The following PLEKHM3 variants were observed in gnomAD, a reference collection of about 807,000 sequenced individuals.
PLEKHM3 encodes the protein pleckstrin homology domain-containing family M member 3.
Under a neutral mutation model 81.8 loss-of-function variants are expected in PLEKHM3, and 45 were observed. The ratio of observed to expected loss-of-function variants is 0.55; its 90% CI spans 0.43 to 0.71. The LOEUF (loss-of-function observed/expected upper bound fraction) is 0.71, where lower values mean the gene tolerates loss of function less well. Ranked by LOEUF, PLEKHM3 falls within the 30% of genes least tolerant of loss-of-function variation. PLEKHM3 has a pLI of 0.00. For synonymous variants in PLEKHM3, 352 were observed against 356.4 expected (o/e 0.99, Z 0.14); for missense variants, 788 against 924.3 (o/e 0.85, Z 1.91).
chr2:207,975,113 C>T (rs1347218677), intron 3 of PLEKHM3, among the ~76,000 whole-genome samples: 4 of 152,106 alleles, frequency 2.6e-5, no homozygotes, highest in Non-Finnish European at 5.9e-5. Context: ...CAGGTGTGAG[C>T]CACCGCGCCC....
intron 6 of PLEKHM3, among the ~76,000 whole-genome samples, chr2:207,887,937 G>C (rs1258153185): frequency 6.6e-6 from 1 of 152,174 alleles, no homozygotes; most frequent in African/African-American, 2.4e-5. Context: ...GCAATCTCTA[G>C]ACCCTATACT....
At chr2:207,982,873 C>T (rs948068676) in intron 2 of PLEKHM3, among the ~76,000 whole-genome samples, 9 of 150,724 alleles carry the variant, frequency 6.0e-5, no homozygotes, top group Non-Finnish European at 1.2e-4. Flanking sequence ...CCACCGCGCC[C>T]GGCCTGATTT....
intron 3 of PLEKHM3, among the ~76,000 whole-genome samples, chr2:207,951,717 G>A: frequency 6.6e-6 from 1 of 152,128 alleles, no homozygotes; most frequent in East Asian, 1.9e-4. Context: ...CTGTTGCTGG[G>A]GGTTGTGCAG....
At chr2:207,838,608 ATAAAAT>A (rs1330350101) in intron 7 of PLEKHM3, among the ~76,000 whole-genome samples, 1 of 152,242 alleles carries the variant, frequency 6.6e-6, no homozygotes, top group East Asian at 1.9e-4. Flanking sequence ...AAGTATGTGT[ATAAAAT>A]TATAATAGAT....
In PLEKHM3 at chr2:207,894,441, A is replaced by G. The variant is rs148578699; in HGVS notation, c.1950+14073T>C. Reference sequence around the variant, plus strand: ...CAAGCACTGGGTTTTTTTGCCATGCATGGTGCTGGCACTCCAGGGCTAATG... The same window carrying G: ...CAAGCACTGGGTTTTTTTGCCATGCGTGGTGCTGGCACTCCAGGGCTAATG... On this transcript the variant is annotated intron_variant, in intron 6 of 7. Transcript: ENST00000427836. Among the ~76,000 whole-genome samples the G allele has an allele frequency of 4.7e-3, 722 of 152,206 alleles. 7 individuals carry two copies. Among genetic ancestry groups the G allele is most frequent in the African/African-American group, 0.016 (672 of 41,536 alleles).
chr2:207,874,269 C>T (rs1464342823), intron 6 of PLEKHM3, among the ~76,000 whole-genome samples: 1 of 152,120 alleles, frequency 6.6e-6, no homozygotes, highest in African/African-American at 2.4e-5. Context: ...ATCCCTAACT[C>T]ATCTCATAAA....
chr2:207,881,353 T>C (rs1396139973), intron 6 of PLEKHM3, among the ~76,000 whole-genome samples: 2 of 152,200 alleles, frequency 1.3e-5, no homozygotes, highest in East Asian at 3.8e-4. Flanking sequence ...CATTAGATAA[T>C]GTTAACCTTG....
chr2:207,899,189 A>G (rs982298852), intron 6 of PLEKHM3, among the ~76,000 whole-genome samples: 1 of 152,174 alleles, frequency 6.6e-6, no homozygotes, highest in Non-Finnish European at 1.5e-5. Context: ...TACATTTCTG[A>G]ATTGGGTGAA....
At chr2:207,889,425 GT>G (rs1687979722) in intron 6 of PLEKHM3, among the ~76,000 whole-genome samples, 2 of 123,290 alleles carry the variant, frequency 1.6e-5, no homozygotes, top group South Asian at 5.9e-4. Flanking sequence ...CAGACAGGAG[GT>G]TTTTTTCAAC....
At chr2:207,983,696 C>G (rs1025529514) in intron 2 of PLEKHM3, among the ~76,000 whole-genome samples, 1 of 152,140 alleles carries the variant, frequency 6.6e-6, no homozygotes, top group Non-Finnish European at 1.5e-5. Flanking sequence ...TTCTCCTCCT[C>G]GTCTTTACAG....
chr2:207,923,366 G>A (rs1462534068), intron 5 of PLEKHM3, among the ~76,000 whole-genome samples: 1 of 152,198 alleles, frequency 6.6e-6, no homozygotes, highest in Non-Finnish European at 1.5e-5. Flanking sequence ...CCAGTACTTT[G>A]GGAGGCGGAG....
intron 6 of PLEKHM3, among the ~76,000 whole-genome samples, chr2:207,882,850 G>A (rs890050743): frequency 8.0e-5 from 12 of 150,702 alleles, no homozygotes; most frequent in African/African-American, 2.4e-4. Flanking sequence ...TTTTTTTCCC[G>A]AGATTCTCGT....
intron 6 of PLEKHM3, among the ~76,000 whole-genome samples, chr2:207,882,020 C>T (rs894236965): frequency 1.3e-5 from 2 of 152,172 alleles, no homozygotes; most frequent in Non-Finnish European, 2.9e-5. Flanking sequence ...TAACTCTGGG[C>T]TTGGCCTTTC....
chr2:207,935,238 T>C (rs1472370239), intron 4 of PLEKHM3, among the ~76,000 whole-genome samples: 1 of 152,210 alleles, frequency 6.6e-6, no homozygotes, highest in Non-Finnish European at 1.5e-5. Flanking sequence ...AAGTACAGCA[T>C]GTTTGCATAT....
chr2:207,877,340 C>G (rs1483605449), intron 6 of PLEKHM3, among the ~76,000 whole-genome samples: 1 of 152,182 alleles, frequency 6.6e-6, no homozygotes, highest in Non-Finnish European at 1.5e-5. Context: ...CTTTCCCATG[C>G]TAGCTTCTCT....
chr2:207,992,366 G>A (rs1691926925), intron 2 of PLEKHM3, among the ~76,000 whole-genome samples: 1 of 152,158 alleles, frequency 6.6e-6, no homozygotes, highest in Admixed American at 6.5e-5. Context: ...CTAAGATAAT[G>A]AACACTTCTT....
intron 1 of PLEKHM3, among the ~76,000 whole-genome samples, chr2:208,003,998 T>C (rs548352091): frequency 6.6e-6 from 1 of 152,346 alleles, no homozygotes; most frequent in African/African-American, 2.4e-5. Context: ...ATTTAGTCTT[T>C]ACTCATGATA....
chr2:208,008,663 G>A (rs1379459004), intron 1 of PLEKHM3, among the ~76,000 whole-genome samples: 1 of 152,196 alleles, frequency 6.6e-6, no homozygotes, highest in Admixed American at 6.5e-5. Flanking sequence ...GTTTCCCAAA[G>A]TCCTTAAATT....
At chr2:207,842,169 C>T (rs1012257848) in intron 7 of PLEKHM3, among the ~76,000 whole-genome samples, 2 of 152,194 alleles carry the variant, frequency 1.3e-5, no homozygotes, top group Non-Finnish European at 2.9e-5. Flanking sequence ...GATCTGACCT[C>T]GTGATCCGCC....
Sources: allele counts gnomAD v4.1 joint callset (sites outside exome capture counted in the v4.1 genomes callset), GRCh38; gene constraint gnomAD v4.1.1; transcripts MANE v1.5; gene names NCBI Gene and HGNC (gene_info 2026-07-23, HGNC 2026-07-21).